TFAP2D: variants seen among roughly 807,000 people sequenced by gnomAD.
TFAP2D encodes transcription factor AP-2 delta.
In TFAP2D, 9 loss-of-function variants were observed where a neutral mutation model predicts 43.6. The observed-to-expected ratio is 0.21, with a 90% CI of 0.12 to 0.36. TFAP2D has a LOEUF of 0.36. Among genes scored for constraint, TFAP2D ranks in the 10% least tolerant of loss-of-function variants. The probability of loss-of-function intolerance (pLI) is 1.00; values close to 1 mark genes in which losing one functional copy is unlikely to be tolerated. For synonymous variants in TFAP2D, 256 were observed against 224.9 expected (o/e 1.14, Z -1.24); for missense variants, 513 against 561.4 (o/e 0.91, Z 0.87).
At chr6:50,766,300 T>C (rs1393732439) in intron 7 of TFAP2D, among the ~76,000 whole-genome samples, 2 of 152,180 alleles carry the variant, frequency 1.3e-5, no homozygotes, top group Non-Finnish European at 2.9e-5. Flanking sequence ...TAGCATGATA[T>C]TTTCATCTTT....
At chr6:50,745,374 C>A (rs1221552127) in intron 6 of TFAP2D, 126 bp downstream of exon 6, 2 of 1,332,030 alleles carry the variant, frequency 1.5e-6, no homozygotes. Context: ...CACACACAAG[C>A]AGCTAGATAT....
chr6:50,762,843 A>G (rs967937550), intron 7 of TFAP2D, among the ~76,000 whole-genome samples: 2 of 152,054 alleles, frequency 1.3e-5, no homozygotes, highest in African/African-American at 2.4e-5. Context: ...GCTGTAATCT[A>G]GTTAGAGACA....
intron 1 of TFAP2D, among the ~76,000 whole-genome samples, chr6:50,714,713 G>A (rs1268077315): frequency 6.6e-6 from 1 of 152,144 alleles, no homozygotes; most frequent in East Asian, 1.9e-4. Context: ...GCTCTTTTCG[G>A]GTGGACTCGT....
At position 50,715,238 on chromosome 6, in the gene TFAP2D, G is replaced by A. The variant is rs752244473; in HGVS notation, c.162G>A (p.Glu54=). The A allele has an allele frequency of 2.5e-5, 41 of 1,613,702 alleles. 1 individual carries two copies. In the African/African-American group the frequency reaches 3.9e-4, roughly 15 times the overall value. The part of the protein sequence containing the change: ...SPLTYSTTGT[E]FASPYFSTNH... ...TAACTTACTCCACCACCGGCACCGA[G>A]TTTGCGTCCCCCTACTTCTCCACTA... is the stretch of plus-strand genomic sequence containing the variant. The change falls in exon 2 of 8, where the codon GAG becomes GAA. Residue 54 remains glutamate (E), a synonymous_variant. Coordinates refer to ENST00000008391, the MANE Select transcript of TFAP2D (RefSeq NM_172238.4).
chr6:50,716,573 G>T (rs1290866920), intron 2 of TFAP2D, among the ~76,000 whole-genome samples: 1 of 152,230 alleles, frequency 6.6e-6, no homozygotes, highest in East Asian at 1.9e-4. Context: ...TTCTTAACAC[G>T]TGTTTGCACA....
chr6:50,736,127 C>T (rs1299454953), intron 5 of TFAP2D, among the ~76,000 whole-genome samples: 3 of 152,120 alleles, frequency 2.0e-5, no homozygotes, highest in African/African-American at 7.2e-5. Flanking sequence ...CACTGGCCTT[C>T]TCCAGACATT....
chr6:50,758,021 G>A (rs1769313593), intron 7 of TFAP2D, among the ~76,000 whole-genome samples: 1 of 151,062 alleles, frequency 6.6e-6, no homozygotes, highest in Admixed American at 6.7e-5. Flanking sequence ...TGGGTCCTGT[G>A]TATATTCTCC....
intron 7 of TFAP2D, among the ~76,000 whole-genome samples, chr6:50,762,845 TTAGAGACAGA>T (rs977906312): frequency 1.3e-4 from 20 of 152,078 alleles, no homozygotes; most frequent in South Asian, 4.2e-4. Flanking sequence ...TGTAATCTAG[TTAGAGACAGA>T]GAGAGACAGA....
In TFAP2D at chr6:50,715,217, T is replaced by A. The variant is rs762146507; in HGVS notation, c.141T>A (p.Thr47=). The change falls in exon 2 of 8, where the codon ACT becomes ACA. Residue 47 remains threonine (T), a synonymous_variant. Coordinates refer to ENST00000008391, the MANE Select transcript of TFAP2D (RefSeq NM_172238.4). ...TVAYSSSSPL[T]YSTTGTEFAS... is the part of the protein sequence containing the mutation. ...CCTATTCCTCCTCCTCTCCTTTAAC[T>A]TACTCCACCACCGGCACCGAGTTTG... The A allele has an allele frequency of 1.8e-5, 29 of 1,613,970 alleles. No homozygotes were observed. In the South Asian group the frequency reaches 3.2e-4, roughly 18 times the overall value.
At chr6:50,718,833 C>G (rs542045048) in intron 2 of TFAP2D, among the ~76,000 whole-genome samples, 1 of 152,130 alleles carries the variant, frequency 6.6e-6, no homozygotes, top group Non-Finnish European at 1.5e-5. Context: ...ATGAAAGACT[C>G]CCAGGCACTT....
At chr6:50,734,625 A>G (rs1768937926) in intron 5 of TFAP2D, among the ~76,000 whole-genome samples, 1 of 152,074 alleles carries the variant, frequency 6.6e-6, no homozygotes, top group South Asian at 2.1e-4. Flanking sequence ...GTGGAAGTAT[A>G]CTGCTTCTTA....
chr6:50,749,172 G>A (rs1769165156), intron 6 of TFAP2D, among the ~76,000 whole-genome samples: 1 of 151,402 alleles, frequency 6.6e-6, no homozygotes, highest in African/African-American at 2.4e-5. Flanking sequence ...ATATAAAAGG[G>A]GGAGATATAA....
At chr6:50,760,912 C>G (rs1769353631) in intron 7 of TFAP2D, among the ~76,000 whole-genome samples, 1 of 150,638 alleles carries the variant, frequency 6.6e-6, no homozygotes, top group African/African-American at 2.4e-5. Context: ...CCCCAGACTC[C>G]CTCTCTACTG....
At chr6:50,766,862 G>C (rs1287900059) in intron 7 of TFAP2D, among the ~76,000 whole-genome samples, 2 of 151,354 alleles carry the variant, frequency 1.3e-5, no homozygotes, top group Non-Finnish European at 3.0e-5. Context: ...TAGAGATGGG[G>C]TTTCACCTTG....
intron 5 of TFAP2D, among the ~76,000 whole-genome samples, chr6:50,735,424 T>C (rs1272724522): frequency 1.3e-5 from 2 of 152,190 alleles, no homozygotes; most frequent in Non-Finnish European, 2.9e-5. Context: ...CTAGGAACCC[T>C]GAACAAGTTT....
chr6:50,757,647 A>C (rs1181831025), intron 7 of TFAP2D, among the ~76,000 whole-genome samples: 1 of 72,476 alleles, frequency 1.4e-5, no homozygotes, highest in African/African-American at 5.7e-5. Flanking sequence ...TAATTATTCT[A>C]TATATATAGA....
chr6:50,758,069 C>T (rs554223570), intron 7 of TFAP2D, among the ~76,000 whole-genome samples: 11 of 151,376 alleles, frequency 7.3e-5, no homozygotes, highest in South Asian at 6.2e-4. Flanking sequence ...TTTAATTGGA[C>T]GATGGACTAG....
chr6:50,768,150 T>A (rs6909395), intron 7 of TFAP2D, among the ~76,000 whole-genome samples: 38,591 of 151,540 alleles, frequency 0.25, 5,479 homozygotes, highest in East Asian at 0.41. Flanking sequence ...TTGAAAATCA[T>A]CTCTATTGTC....
chr6:50,772,529 A>C, intron 7 of TFAP2D, 116 bp from the exon 8 acceptor site: 1 of 868,548 alleles, frequency 1.2e-6, no homozygotes, highest in South Asian at 1.6e-5. Context: ...AGCATCATTT[A>C]GGAACACAAT....
Sources: allele counts gnomAD v4.1 joint callset (sites outside exome capture counted in the v4.1 genomes callset), GRCh38; gene constraint gnomAD v4.1.1; transcripts MANE v1.5; gene names NCBI Gene and HGNC (gene_info 2026-07-23, HGNC 2026-07-21).